PRRC2C: variants seen among roughly 807,000 people sequenced by gnomAD.
The protein encoded by PRRC2C is protein PRRC2C.
PRRC2C carries 72 observed loss-of-function variants against 317.2 expected under a neutral mutation model. That is an observed-to-expected ratio of 0.23 (90% CI 0.19 to 0.28). The LOEUF is 0.28. PRRC2C is among the 10% of genes least tolerant of loss of function. The pLI is 1.00. For synonymous variants in PRRC2C, 1,296 were observed against 1,205.9 expected (o/e 1.07, Z -1.55); for missense variants, 3,074 against 3,459.7 (o/e 0.89, Z 2.80).
chr1:171,585,333 TTTC>T (rs1649629323), intron 30 of PRRC2C, among the ~76,000 whole-genome samples: 1 of 152,200 alleles, frequency 6.6e-6, no homozygotes, highest in African/African-American at 2.4e-5. Flanking sequence ...TGACAAACAC[TTTC>T]TTAAGTGTAT....
Position 171,568,198 on chromosome 1 carries a change from G to A in PRRC2C, c.6559-49G>A, listed in dbSNP as rs1169760306. On this transcript the variant is annotated intron_variant, in intron 22 of 34. Coordinates refer to ENST00000647382, the MANE Select transcript of PRRC2C (RefSeq NM_001387844.1). ...ACTCAAAAAAAAGAGGAAGAAGTGAGCAATTAATTCAGTTTAAAATGTATT... is the reference window on the plus strand; with the variant it reads ...ACTCAAAAAAAAGAGGAAGAAGTGAACAATTAATTCAGTTTAAAATGTATT... 2.0e-6 allele frequency: 3 copies of A among 1,522,422 alleles called. No individual in the cohort carries two copies. The South Asian group carries it at 3.7e-5, about 19-fold the overall frequency. The allele number at this position is 1,522,422 out of a possible 1,614,324, so 94.3% of individuals were successfully genotyped here.
chr1:171,554,213 C>T (rs995013099), intron 18 of PRRC2C, among the ~76,000 whole-genome samples: 4 of 152,060 alleles, frequency 2.6e-5, no homozygotes, highest in Non-Finnish European at 2.9e-5. Context: ...ATCCCTTTAC[C>T]GTTATGTAAT....
intron 30 of PRRC2C, 145 bp downstream of exon 30, chr1:171,584,671 A>G: frequency 1.1e-6 from 1 of 945,706 alleles, no homozygotes; most frequent in East Asian, 2.9e-5. Context: ...GAAGAATTCC[A>G]CTGGGTCCAC....
intron 5 of PRRC2C, among the ~76,000 whole-genome samples, chr1:171,517,019 C>T (rs1427205801): frequency 2.0e-5 from 3 of 152,144 alleles, no homozygotes; most frequent in Non-Finnish European, 4.4e-5. Flanking sequence ...AGTGTAAATA[C>T]CAGAAGATAA....
At position 171,541,304 on chromosome 1, in the gene PRRC2C, A is replaced by G. The variant is rs1038101926; in HGVS notation, c.3838A>G (p.Lys1280Glu). The stretch of plus-strand genomic sequence containing the variant: ...TGAAATTCATGAAAGTGCAAGTGAC[A>G]AGGACAGTTTAAGTAAAGGCAAACT... ...DSEIHESASD[K>E]DSLSKGKLPK... The change falls in exon 16 of 35, where the codon AAG becomes GAG. Residue 1280 changes from lysine (K) to glutamate (E), a missense_variant. Around this residue, in one of 11 missense-constraint regions of PRRC2C, gnomAD observed 1,320 missense variants for 1,395.7 expected, o/e 0.95. Transcript: ENST00000647382. This position sits in a 1 kb window ranked among gnomAD's most constrained non-coding sequence, Gnocchi z 4.1. The G allele has an allele frequency of 5.0e-6, 8 of 1,613,910 alleles. No homozygotes were observed. The highest frequency in any genetic ancestry group is 6.8e-6 in the Non-Finnish European group (8 of 1,179,904).
At chr1:171,578,180 C>T (rs1647603915) in intron 26 of PRRC2C, among the ~76,000 whole-genome samples, 1 of 151,996 alleles carries the variant, frequency 6.6e-6, no homozygotes, top group South Asian at 2.1e-4. Context: ...AACTAGGAAT[C>T]TCATATGGAT....
intron 17 of PRRC2C, among the ~76,000 whole-genome samples, chr1:171,547,238 C>T (rs1274589755): frequency 2.6e-5 from 4 of 152,058 alleles, no homozygotes; most frequent in Non-Finnish European, 4.4e-5. Context: ...AGTTCTTTTT[C>T]CTGGTAACAC....
chr1:171,537,191 A>C, intron 14 of PRRC2C, 72 bp from the exon 15 acceptor site: 1 of 1,165,084 alleles, frequency 8.6e-7, no homozygotes, highest in Non-Finnish European at 1.2e-6. Context: ...CCTGTATTCT[A>C]TGTCTATCAT....
rs1312746320 is a variant in PRRC2C, at chr1:171,557,909, C to G, written c.5797C>G (p.Gln1933Glu). The change falls in exon 19 of 35, where the codon CAG becomes GAG. Residue 1933 changes from glutamine to glutamate, a missense_variant. By Grantham distance (29) the Gln-to-Glu change is conservative. Around this residue, in one of 11 missense-constraint regions of PRRC2C, gnomAD observed 640 missense variants for 676.1 expected, o/e 0.95. Transcript: ENST00000647382. ...AAATCCTGCCCCACCTGCCCCAGCC[C>G]AGACTCAGGCACAGACCCACAAACC... ...APNPAPPAPA[Q>E]TQAQTHKPVQ... 5 of 1,562,412 alleles carry G rather than the reference C, an allele frequency of 3.2e-6. No homozygotes were observed.
chr1:171,564,569 C>G (rs1683286674), intron 20 of PRRC2C, among the ~76,000 whole-genome samples: 1 of 152,174 alleles, frequency 6.6e-6, no homozygotes, highest in Non-Finnish European at 1.5e-5. Context: ...TACATTCATG[C>G]TTTGCTTAAC....
chr1:171,515,533 T>C (rs1672203402), intron 4 of PRRC2C, among the ~76,000 whole-genome samples: 1 of 152,204 alleles, frequency 6.6e-6, no homozygotes, highest in African/African-American at 2.4e-5. Context: ...ATTACTGTCT[T>C]AGACTTTCAT....
At chr1:171,531,920 C>T (rs1675960263) in intron 11 of PRRC2C, among the ~76,000 whole-genome samples, 1 of 152,198 alleles carries the variant, frequency 6.6e-6, no homozygotes, top group Non-Finnish European at 1.5e-5. Flanking sequence ...TTAATTTTCT[C>T]AGGGCTCACA....
At chr1:171,559,089 T>A (rs528716440) in intron 19 of PRRC2C, among the ~76,000 whole-genome samples, 1 of 152,316 alleles carries the variant, frequency 6.6e-6, no homozygotes, top group East Asian at 1.9e-4. Flanking sequence ...CAAAGAAAAG[T>A]TTGAACCTAG....
chr1:171,539,427 C>A (rs1677524413), intron 15 of PRRC2C, among the ~76,000 whole-genome samples: 1 of 152,142 alleles, frequency 6.6e-6, no homozygotes, highest in African/African-American at 2.4e-5. Context: ...ATCTCCAGAA[C>A]TTTTTTTTAT....
chr1:171,525,335 A>T (rs61149631), intron 10 of PRRC2C, among the ~76,000 whole-genome samples: 2 of 152,178 alleles, frequency 1.3e-5, no homozygotes, highest in African/African-American at 4.8e-5. Flanking sequence ...ATGGTACACT[A>T]TCTGTAGGGA....
chr1:171,536,424 A>AT (rs1676842404), intron 14 of PRRC2C, 146 bp downstream of exon 14: 8 of 913,364 alleles, frequency 8.8e-6, no homozygotes, highest in Admixed American at 2.7e-5. Flanking sequence ...GCATCGAGTA[A>AT]TTAAATATCT....
Position 171,536,050 on chromosome 1 carries a change from T to C in PRRC2C, c.2065T>C (p.Trp689Arg), listed in dbSNP as rs773043353. 7.7e-6 allele frequency: 12 copies of C among 1,552,050 alleles called. No individual in the cohort carries two copies. In the South Asian group the frequency reaches 8.3e-5, roughly 11 times the overall value. The change falls in exon 14 of 35, where the codon TGG becomes CGG. Residue 689 changes from tryptophan (W) to arginine (R), a missense_variant. By Grantham distance (101) the Trp-to-Arg change is moderately radical (BLOSUM62 -3). Around this residue, in one of 11 missense-constraint regions of PRRC2C, gnomAD observed 1,320 missense variants for 1,395.7 expected, o/e 0.95. Coordinates refer to ENST00000647382, the MANE Select transcript of PRRC2C (RefSeq NM_001387844.1). ...TCAGGAACAGATGAAACAGCAGCAG[T>C]GGCAGCAGCAGCAACAGCAAGGTGT... is the stretch of plus-strand genomic sequence containing the variant. Reference protein sequence around the residue: ...RQQEQMKQQQWQQQQQQGVLP... With the variant: ...RQQEQMKQQQRQQQQQQGVLP...
At position 171,532,358 on chromosome 1, in the gene PRRC2C, C is replaced by T. The variant is rs772210609; in HGVS notation, c.1270C>T (p.Arg424Ter). The change falls in exon 12 of 35, where the codon CGA becomes TGA. Residue 424 changes from arginine to a stop codon, truncating the protein, a stop_gained. Coordinates refer to ENST00000647382, the MANE Select transcript of PRRC2C (RefSeq NM_001387844.1). LOFTEE classifies it high-confidence loss of function. ...LLAQQHPPPD[R>*]QAVPGRPGPF... Reference sequence around the variant, plus strand: ...AATGTTTCAGCATCCACCTCCAGATCGACAGGCAGTACCTGGAAGACCAGG... The same window carrying T: ...AATGTTTCAGCATCCACCTCCAGATTGACAGGCAGTACCTGGAAGACCAGG... The T allele has an allele frequency of 6.2e-7, 1 of 1,611,350 alleles. No homozygotes were observed. Among genetic ancestry groups the T allele is most frequent in the East Asian group, 2.2e-5 (1 of 44,854 alleles).
chr1:171,498,197 T>C (rs1668464810), intron 1 of PRRC2C, among the ~76,000 whole-genome samples: 1 of 152,098 alleles, frequency 6.6e-6, no homozygotes, highest in South Asian at 2.1e-4. Context: ...TCTGCTCTCC[T>C]CCTCATTCTC....
Sources: allele counts gnomAD v4.1 joint callset (sites outside exome capture counted in the v4.1 genomes callset), GRCh38; gene constraint gnomAD v4.1.1; regional missense constraint gnomAD v4.1.1; non-coding constraint Gnocchi (gnomAD v3.1); transcripts MANE v1.5; gene names NCBI Gene and HGNC (gene_info 2026-07-23, HGNC 2026-07-21).